Variants in SMARCA4 observed in about 807,000 individuals in gnomAD.
SMARCA4 encodes the protein SWI/SNF-related matrix-associated actin-dependent regulator of chromatin subfamily A member 4.
In SMARCA4, 31 loss-of-function variants were observed where a neutral mutation model predicts 193.9. That is an observed-to-expected ratio of 0.16 (90% CI 0.12 to 0.22). The LOEUF (loss-of-function observed/expected upper bound fraction) is 0.22, where lower values mean the gene tolerates loss of function less well. SMARCA4 is among the 10% of genes least tolerant of loss of function. The pLI is 1.00. For synonymous variants in SMARCA4, 942 were observed against 933.1 expected (o/e 1.01, Z -0.17); for missense variants, 1,148 against 2,296.0 (o/e 0.50, Z 10.22).
Position 11,010,471 on chromosome 19 carries a change from C to T in SMARCA4, c.2214C>T (p.Val738=), listed in dbSNP as rs1186978984. ...LQSYYAVAHA[V]TERVDKQSAL... is the part of the protein sequence containing the mutation. Reference sequence around the variant, plus strand: ...CCTACTATGCCGTGGCCCATGCTGTCACTGAGAGAGTGGACAAGCAGTCAG... The same window carrying T: ...CCTACTATGCCGTGGCCCATGCTGTTACTGAGAGAGTGGACAAGCAGTCAG... Residue 738 remains valine (V), a synonymous_variant, in exon 15 of 35, where the codon GTC becomes GTT. Coordinates refer to ENST00000344626, the MANE Select transcript of SMARCA4 (RefSeq NM_003072.5). 23 of 1,613,984 alleles carry T rather than the reference C, an allele frequency of 1.4e-5. No homozygotes were observed. The highest frequency in any genetic ancestry group is 1.9e-5 in the Non-Finnish European group (23 of 1,180,012).
intron 30 of SMARCA4, among the ~76,000 whole-genome samples, chr19:11,051,547 G>A: frequency 6.7e-6 from 1 of 149,596 alleles, no homozygotes; most frequent in South Asian, 2.1e-4. Context: ...CTGGAGTGCA[G>A]TAGCCTGATC....
At chr19:10,979,296 TAGC>T (rs2085378794) in intron 1 of SMARCA4, among the ~76,000 whole-genome samples, 2 of 152,212 alleles carry the variant, frequency 1.3e-5, no homozygotes, top group South Asian at 4.1e-4. Flanking sequence ...ATGACTCTCA[TAGC>T]AGCTTGATTT....
rs78699800 is a variant in SMARCA4 at position 11,016,700 on chromosome 19, T to C, written c.2439-2257T>C. On this transcript the variant is annotated intron_variant, in intron 16 of 34. Transcript: ENST00000344626. Reference sequence around the variant, plus strand: ...GGACCCACGGATATTTATTTAGTACTCCAGGCTACGCACCAGTGGCTGGGT... The same window carrying C: ...GGACCCACGGATATTTATTTAGTACCCCAGGCTACGCACCAGTGGCTGGGT... Among the ~76,000 whole-genome samples the C allele has an allele frequency of 3.9e-3, 600 of 152,300 alleles. 4 individuals are homozygous for C. The highest frequency in any genetic ancestry group is 0.013 in the African/African-American group (544 of 41,552).
rs529706540 is a variant in SMARCA4, at chr19:10,984,548, C to T, written c.222+175C>T. 1.3e-5 allele frequency among the ~76,000 whole-genome samples: 2 copies of T among 152,244 alleles called. No homozygotes were observed. The highest frequency in any genetic ancestry group is 4.8e-5 in the African/African-American group (2 of 41,476). On this transcript the variant is annotated intron_variant, in intron 2 of 34. Transcript: ENST00000344626. This position sits in a 1 kb window ranked among gnomAD's most constrained non-coding sequence, Gnocchi z 4.3. Reference sequence around the variant, plus strand: ...ACGGCCATGAACAGAAGGTTCAGCTCGTCAGACCCCAGCCTGTGCTGGCGC... The same window carrying T: ...ACGGCCATGAACAGAAGGTTCAGCTTGTCAGACCCCAGCCTGTGCTGGCGC...
At chr19:11,050,540 C>A (rs1011054654) in intron 30 of SMARCA4, among the ~76,000 whole-genome samples, 1 of 152,262 alleles carries the variant, frequency 6.6e-6, no homozygotes, top group South Asian at 2.1e-4. Context: ...CTTGCCAATT[C>A]GTGGTGACAG....
At position 11,034,858 on chromosome 19, in the gene SMARCA4, G is replaced by T; in HGVS notation, c.3952-56G>T. 1 of 1,157,432 alleles carries T rather than the reference G, an allele frequency of 8.6e-7. No individual in the cohort carries two copies. Among genetic ancestry groups the T allele is most frequent in the African/African-American group, 1.5e-5 (1 of 65,906 alleles). 71.7% of individuals were successfully genotyped at this position (1,157,432 alleles called of 1,614,324 possible). On this transcript the variant is annotated intron_variant, in intron 28 of 34. Coordinates refer to ENST00000344626, the MANE Select transcript of SMARCA4 (RefSeq NM_003072.5). The surrounding 1 kb of genome is among the most constrained non-coding windows in gnomAD (Gnocchi z 7.0). ...CTGAACTCTCGGTGTTCTGGCTCTA[G>T]CGTGCCCCTGGTGCCTGCATGCTGA...
chr19:11,031,132 C>T lies in SMARCA4; in HGVS notation c.3546+239C>T, dbSNP rs1323497142. The T allele has an allele frequency of 2.2e-5, 12 of 549,528 alleles. No individual in the cohort carries two copies. The highest frequency in any genetic ancestry group is 3.6e-5 in the Non-Finnish European group (11 of 303,802). The allele number at this position is 549,528 out of a possible 1,614,324, so 34.0% of individuals were successfully genotyped here. A position where few individuals can be genotyped will look rare whatever the true frequency, so the allele number is the denominator to read the frequency against. ...ATTGGGAAAGCAGTGTATAAGCCAT[C>T]CGTCGGTTTGGTTTTTCTTAAATCT... is the stretch of plus-strand genomic sequence containing the variant. On this transcript the variant is annotated intron_variant, in intron 25 of 34. Coordinates refer to ENST00000344626, the MANE Select transcript of SMARCA4 (RefSeq NM_003072.5). The surrounding 1 kb of genome is among the most constrained non-coding windows in gnomAD (Gnocchi z 4.3).
chr19:10,981,839 T>A (rs1371004381), intron 1 of SMARCA4, among the ~76,000 whole-genome samples: 1 of 151,074 alleles, frequency 6.6e-6, no homozygotes, highest in African/African-American at 2.4e-5. Flanking sequence ...TTAAGAAAAA[T>A]TAGCCAGGCA....
chr19:10,996,707 C>G (rs1466315526), intron 11 of SMARCA4, among the ~76,000 whole-genome samples, 163 bp downstream of exon 11: 1 of 149,996 alleles, frequency 6.7e-6, no homozygotes, highest in Non-Finnish European at 1.5e-5. Flanking sequence ...GACCCCACAT[C>G]CCACATGTTG....
rs140377414 is a variant in SMARCA4 at position 11,061,188 on chromosome 19, TA to T, written c.4912-579del. ...GGGCAACAGAGCAAGACCCTGTCTT[TA>T]AAAAAAAAAAAAAAAATATATATAT... is the stretch of plus-strand genomic sequence containing the variant. On this transcript the variant is annotated intron_variant, in intron 34 of 34. Coordinates refer to ENST00000344626, the MANE Select transcript of SMARCA4 (RefSeq NM_003072.5). Among the ~76,000 whole-genome samples, 223 of 68,782 alleles carry T rather than the reference TA, an allele frequency of 3.2e-3. 1 individual carries two copies. The highest frequency in any genetic ancestry group is 0.015 in the East Asian group (32 of 2,202). The allele number at this position is 68,782 out of a possible 152,430, so 45.1% of individuals were successfully genotyped here.
intron 1 of SMARCA4, among the ~76,000 whole-genome samples, chr19:10,980,600 C>T (rs140750539): frequency 2.0e-5 from 3 of 149,822 alleles, no homozygotes; most frequent in African/African-American, 7.4e-5. Flanking sequence ...TGTCACTGCA[C>T]TCCAGCCTGG....
intron 1 of SMARCA4, among the ~76,000 whole-genome samples, chr19:10,963,469 T>C (rs1265637199): frequency 1.3e-5 from 2 of 152,056 alleles, no homozygotes; most frequent in Non-Finnish European, 2.9e-5. Context: ...TTTTGCACTT[T>C]CCAAGCCATT....
rs111672015 is a variant in SMARCA4, at chr19:11,059,979, C to A, written c.4769-66C>A. 7.1e-5 allele frequency: 114 copies of A among 1,611,580 alleles called. 1 individual carries two copies. In the African/African-American group the frequency reaches 1.1e-3, roughly 15 times the overall value. ...TCACAGCCCTCCCGGCTCCCAGACG[C>A]CCCTTGCTGTGGGGGTGCTGCATTC... On this transcript the variant is annotated intron_variant, in intron 33 of 34. Transcript: ENST00000344626.
At chr19:10,999,722 A>G (rs990035564) in intron 11 of SMARCA4, among the ~76,000 whole-genome samples, 2 of 152,144 alleles carry the variant, frequency 1.3e-5, no homozygotes, top group African/African-American at 4.8e-5. Context: ...CACAGGGTTA[A>G]TTTTTATCCT....
At chr19:11,007,836 C>G in intron 13 of SMARCA4, 66 bp from the exon 14 acceptor site, 1 of 1,584,852 alleles carries the variant, frequency 6.3e-7, no homozygotes, top group Non-Finnish European at 8.6e-7. Flanking sequence ...ACTGTTCTCC[C>G]CATGGGAGTC....
chr19:11,058,591 A>G lies in SMARCA4; in HGVS notation c.4534-197A>G, dbSNP rs561120391. Among the ~76,000 whole-genome samples, 2 of 152,148 alleles carry G rather than the reference A, an allele frequency of 1.3e-5. No individual in the cohort carries two copies. Among genetic ancestry groups the G allele is most frequent in the African/African-American group, 2.4e-5 (1 of 41,478 alleles). On this transcript the variant is annotated intron_variant, in intron 31 of 34. Transcript: ENST00000344626. The surrounding 1 kb of genome is among the most constrained non-coding windows in gnomAD (Gnocchi z 5.8). ...GCAGTCGGTGTTGGGTGTTCCTTCAAGGTCCCACTCACTTAGTGCTGGGCC... is the reference window on the plus strand; with the variant it reads ...GCAGTCGGTGTTGGGTGTTCCTTCAGGGTCCCACTCACTTAGTGCTGGGCC...
At chr19:11,021,596 G>GT in intron 18 of SMARCA4, 129 bp from the exon 19 acceptor site, 1 of 1,198,130 alleles carries the variant, frequency 8.3e-7, no homozygotes, top group South Asian at 1.3e-5. Context: ...CGTCAGGCCT[G>GT]TGCTCTCCAC....
At chr19:10,992,234 A>C (rs1186599017) in intron 8 of SMARCA4, among the ~76,000 whole-genome samples, 11 of 137,258 alleles carry the variant, frequency 8.0e-5, no homozygotes, top group East Asian at 4.4e-4. Flanking sequence ...GCCTCAGCCT[A>C]CCTAGTAGCT....
rs553848593 is a variant in SMARCA4 at position 11,033,532 on chromosome 19, G to A, written c.3774+15G>A. The A allele has an allele frequency of 2.3e-5, 36 of 1,597,238 alleles. No individual in the cohort carries two copies. Among genetic ancestry groups the A allele is most frequent in the South Asian group, 4.4e-5 (4 of 90,760 alleles). On this transcript the variant is annotated intron_variant, in intron 26 of 34. Coordinates refer to ENST00000344626, the MANE Select transcript of SMARCA4 (RefSeq NM_003072.5). The surrounding 1 kb of genome is among the most constrained non-coding windows in gnomAD (Gnocchi z 9.8). ...AGCAGGATGAGGTGAGCCCAGCACC[G>A]GCCCCGACCCCTCCCCAGCGTGAAT...
Sources: gnomAD v4.1 joint callset for allele counts (sites outside exome capture counted in the v4.1 genomes callset) on GRCh38, gnomAD v4.1.1 for gene constraint, Gnocchi (gnomAD v3.1) non-coding constraint, MANE v1.5 for transcripts, NCBI Gene and HGNC (gene_info 2026-07-23, HGNC 2026-07-21) for gene names.